Variants in KCMF1 observed in about 807,000 individuals in gnomAD.
KCMF1 encodes the protein potassium channel modulatory factor 1.
In KCMF1, 3 loss-of-function variants were observed where a neutral mutation model predicts 41.1. The ratio of observed to expected loss-of-function variants is 0.07; its 90% CI spans 0.03 to 0.19. KCMF1 has a LOEUF of 0.19. Among genes scored for constraint, KCMF1 ranks in the 10% least tolerant of loss-of-function variants. The pLI is 1.00. For synonymous variants in KCMF1, 142 were observed against 164.5 expected, an observed-to-expected ratio of 0.86 and a Z score of 1.04; for missense variants, 286 against 488.9, an observed-to-expected ratio of 0.58 and a Z score of 3.91.
At chr2:84,973,505 A>G (rs772463743) in intron 1 of KCMF1, among the ~76,000 whole-genome samples, 1 of 152,214 alleles carries the variant, frequency 6.6e-6, no homozygotes, top group Non-Finnish European at 1.5e-5. Flanking sequence ...GAACATACCT[A>G]ATGAAAAAGG....
chr2:84,985,350 G>A (rs1005082210), intron 1 of KCMF1, among the ~76,000 whole-genome samples: 9 of 152,162 alleles, frequency 5.9e-5, no homozygotes, highest in Non-Finnish European at 1.3e-4. Context: ...GCAGGGGGTG[G>A]AAAGTACATA....
Position 85,055,684 on chromosome 2 carries a change from ATATAT to A in KCMF1, c.*2277_*2281del, listed in dbSNP as rs1419105573. On this transcript the variant is annotated 3_prime_UTR_variant, in exon 7 of 7. Coordinates refer to ENST00000409785, the MANE Select transcript of KCMF1 (RefSeq NM_020122.5). Reference sequence around the variant, plus strand: ...AACGACACAGAATATCAATATAAAAATATATTCAAGCCCTTGAAATTCTTGTGTCC... The same window carrying A: ...AACGACACAGAATATCAATATAAAAATCAAGCCCTTGAAATTCTTGTGTCC... 1 of 152,216 alleles carries A rather than the reference ATATAT, an allele frequency of 6.6e-6. No individual in the cohort carries two copies. The highest frequency in any genetic ancestry group is 6.5e-5 in the Admixed American group (1 of 15,282). 9.4% of individuals were successfully genotyped at this position (152,216 alleles called of 1,614,324 possible).
intron 1 of KCMF1, among the ~76,000 whole-genome samples, chr2:85,004,331 G>A (rs1162254332): frequency 6.6e-6 from 1 of 152,040 alleles, no homozygotes; most frequent in African/African-American, 2.4e-5. Context: ...CTAACATGGT[G>A]AAAACCTGCC....
chr2:85,034,885 G>A, intron 2 of KCMF1, 131 bp from the exon 3 acceptor site: 5 of 692,320 alleles, frequency 7.2e-6, no homozygotes, highest in Non-Finnish European at 1.2e-5. Context: ...TCCTCCCAAC[G>A]TGCTGGGATT....
intron 1 of KCMF1, among the ~76,000 whole-genome samples, chr2:85,022,680 G>A (rs1418054117): frequency 6.6e-6 from 1 of 152,052 alleles, no homozygotes; most frequent in East Asian, 1.9e-4. Context: ...AGAGAAGAAT[G>A]GTACTACAGA....
chr2:85,023,614 C>T (rs1675010406), intron 1 of KCMF1, among the ~76,000 whole-genome samples: 2 of 152,218 alleles, frequency 1.3e-5, no homozygotes, highest in Admixed American at 6.5e-5. Context: ...AGCCACCGCG[C>T]CCAGCCCCTG....
intron 1 of KCMF1, among the ~76,000 whole-genome samples, chr2:85,011,150 C>T (rs951806019): frequency 4.6e-5 from 7 of 152,088 alleles, no homozygotes; most frequent in African/African-American, 9.7e-5. Flanking sequence ...CAGTCTATTA[C>T]TTTTATTATT....
At chr2:84,977,399 C>G (rs1019048295) in intron 1 of KCMF1, among the ~76,000 whole-genome samples, 1 of 152,116 alleles carries the variant, frequency 6.6e-6, no homozygotes, top group African/African-American at 2.4e-5. Flanking sequence ...TAACTGTAAT[C>G]TGTTAACAGA....
At chr2:84,975,997 A>G (rs912832010) in intron 1 of KCMF1, among the ~76,000 whole-genome samples, 1 of 152,218 alleles carries the variant, frequency 6.6e-6, no homozygotes, top group African/African-American at 2.4e-5. Context: ...ATGTGGGGCT[A>G]AGTGAATAAG....
At chr2:84,998,914 T>TCACC (rs1674243849) in intron 1 of KCMF1, among the ~76,000 whole-genome samples, 1 of 145,316 alleles carries the variant, frequency 6.9e-6, no homozygotes, top group Non-Finnish European at 1.5e-5. Context: ...GCTGGGCCTC[T>TCACC]TACCTATCTA....
At chr2:85,039,434 T>A (rs192896851) in intron 3 of KCMF1, among the ~76,000 whole-genome samples, 30 of 150,812 alleles carry the variant, frequency 2.0e-4, no homozygotes, top group Middle Eastern at 3.4e-3. Context: ...CTGTTGTTTT[T>A]AAAAAAAAAA....
chr2:85,049,334 C>G (rs755212286), intron 5 of KCMF1, 32 bp from the exon 6 acceptor site: 1 of 1,603,412 alleles, frequency 6.2e-7, no homozygotes, highest in Non-Finnish European at 8.5e-7. Context: ...CAGTATTAAG[C>G]AGACATTAAT....
At chr2:84,998,237 G>T (rs549606044) in intron 1 of KCMF1, among the ~76,000 whole-genome samples, 5 of 151,810 alleles carry the variant, frequency 3.3e-5, no homozygotes, top group African/African-American at 7.3e-5. Context: ...GATTACAGGT[G>T]CACGCCACCA....
rs1675664520 is a variant in KCMF1 at position 85,046,216 on chromosome 2, G to A, written c.539G>A (p.Gly180Glu). The A allele has an allele frequency of 8.7e-6, 14 of 1,613,286 alleles. No individual in the cohort carries two copies. The highest frequency in any genetic ancestry group is 1.3e-5 in the African/African-American group (1 of 74,916). The change falls in exon 5 of 7, where the codon GGA becomes GAA. Residue 180 changes from glycine (G) to glutamate (E), a missense_variant. Gly to Glu is a moderately conservative substitution (Grantham distance 98). Coordinates refer to ENST00000409785, the MANE Select transcript of KCMF1 (RefSeq NM_020122.5). Reference sequence around the variant, plus strand: ...CACTTTACTAGCAGTTCTACTGGTGGACTTTCTTCTTCTCAGAGTTCATAT... The same window carrying A: ...CACTTTACTAGCAGTTCTACTGGTGAACTTTCTTCTTCTCAGAGTTCATAT... ...NMHFTSSSTGGLSSSQSSYSP... is the reference protein window; with the variant it reads ...NMHFTSSSTGELSSSQSSYSP...
chr2:85,038,183 G>A (rs1675446037), intron 3 of KCMF1, among the ~76,000 whole-genome samples: 1 of 152,142 alleles, frequency 6.6e-6, no homozygotes, highest in Admixed American at 6.5e-5. Context: ...GGAATCGACA[G>A]GGAAAATAAT....
At chr2:85,041,932 A>C (rs1244556429) in intron 3 of KCMF1, among the ~76,000 whole-genome samples, 1 of 152,236 alleles carries the variant, frequency 6.6e-6, no homozygotes, top group Non-Finnish European at 1.5e-5. Flanking sequence ...ATGTCAGAGT[A>C]CAGGAATGGT....
chr2:85,043,824 ATAGGCACACATGTG>A (rs746563334), intron 4 of KCMF1, among the ~76,000 whole-genome samples, 159 bp downstream of exon 4: 2 of 152,230 alleles, frequency 1.3e-5, no homozygotes, highest in Non-Finnish European at 2.9e-5. Context: ...AGCTGGGACT[ATAGGCACACATGTG>A]CCACTGCATC....
chr2:85,043,703 G>A (rs750068570), intron 4 of KCMF1, 38 bp downstream of exon 4: 3 of 1,362,544 alleles, frequency 2.2e-6, no homozygotes, highest in South Asian at 2.4e-5. Context: ...AGAGTTGTTT[G>A]TAATGTTTGT....
Position 85,056,607 on chromosome 2 carries a change from G to A in KCMF1, c.*3198G>A, listed in dbSNP as rs1013423871. 1.3e-5 allele frequency: 2 copies of A among 152,172 alleles called. No homozygotes were observed. Among genetic ancestry groups the A allele is most frequent in the Non-Finnish European group, 2.9e-5 (2 of 68,054 alleles). 9.4% of individuals were successfully genotyped at this position (152,172 alleles called of 1,614,324 possible). A position where few individuals can be genotyped will look rare whatever the true frequency, so the allele number is the denominator to read the frequency against. On this transcript the variant is annotated 3_prime_UTR_variant, in exon 7 of 7. Transcript: ENST00000409785. ...GGGGTAGAAGGAGAATACTAGAGAG[G>A]TTACGGTAGCAGGTGGCTGCAGAAA...
Sources: allele counts gnomAD v4.1 joint callset (sites outside exome capture counted in the v4.1 genomes callset), GRCh38; gene constraint gnomAD v4.1.1; transcripts MANE v1.5; gene names NCBI Gene and HGNC (gene_info 2026-07-23, HGNC 2026-07-21).